VRK2: variants seen among roughly 807,000 people sequenced by gnomAD.
VRK2 encodes the protein VRK serine/threonine kinase 2, also known as serine/threonine-protein kinase VRK2.
In VRK2, 60 loss-of-function variants were observed where a neutral mutation model predicts 57.6. The observed-to-expected ratio is 1.04, with a 90% CI of 0.85 to 1.29. The LOEUF is 1.29. Ranked by LOEUF, VRK2 falls within the 50% of genes most tolerant of loss-of-function variation. VRK2 has a pLI of 0.00. For synonymous variants in VRK2, 231 were observed against 199.2 expected, an observed-to-expected ratio of 1.16 and a Z score of -1.35; for missense variants, 705 against 588.1, an observed-to-expected ratio of 1.20 and a Z score of -2.06.
chr2:58,044,551 A>C (rs918689296), upstream of VRK2, among the ~76,000 whole-genome samples: 4 of 152,198 alleles, frequency 2.6e-5, no homozygotes, highest in Non-Finnish European at 4.4e-5. Flanking sequence ...ACTGTATAAT[A>C]TATTGCTGTA....
upstream of VRK2, among the ~76,000 whole-genome samples, chr2:58,042,601 TATGC>T (rs1674503551): frequency 1.3e-5 from 2 of 152,364 alleles, no homozygotes; most frequent in South Asian, 4.1e-4. Flanking sequence ...CCTTGTAAAG[TATGC>T]TTACTAAATG....
At chr2:58,143,528 C>A (rs1681652877) in intron 11 of VRK2, among the ~76,000 whole-genome samples, 1 of 151,914 alleles carries the variant, frequency 6.6e-6, no homozygotes, top group Non-Finnish European at 1.5e-5. Context: ...AACCATTCAG[C>A]CAACTAAAAG....
At chr2:58,016,356 T>G (rs1673582695) in intron 1 of VRK2, among the ~76,000 whole-genome samples, 1 of 151,272 alleles carries the variant, frequency 6.6e-6, no homozygotes, top group South Asian at 2.1e-4. Context: ...TTTAATTAAT[T>G]ATTTTTTTGA....
At chr2:57,946,050 T>G (rs1002283857) in intron 1 of VRK2, among the ~76,000 whole-genome samples, 6 of 152,134 alleles carry the variant, frequency 3.9e-5, no homozygotes, top group African/African-American at 1.4e-4. Flanking sequence ...GCGAGTATTA[T>G]CTATATATTT....
chr2:58,045,096 A>T (rs139817643), upstream of VRK2, among the ~76,000 whole-genome samples: 10 of 152,366 alleles, frequency 6.6e-5, no homozygotes, highest in East Asian at 1.7e-3. Context: ...GTAAATTGGA[A>T]TAACACTGAA....
chr2:57,992,629 C>T (rs1002937854), intron 1 of VRK2, among the ~76,000 whole-genome samples: 5 of 152,048 alleles, frequency 3.3e-5, no homozygotes, highest in African/African-American at 1.2e-4. Context: ...CTCCGCTTCC[C>T]GGGTTCACGC....
At chr2:57,941,927 G>T (rs1671106967) in intron 1 of VRK2, among the ~76,000 whole-genome samples, 1 of 152,130 alleles carries the variant, frequency 6.6e-6, no homozygotes. Context: ...TCTATTCTGG[G>T]TGCCACAAAC....
At chr2:58,146,803 C>T (rs1235860714) in intron 12 of VRK2, among the ~76,000 whole-genome samples, 1 of 151,988 alleles carries the variant, frequency 6.6e-6, no homozygotes, top group Non-Finnish European at 1.5e-5. Context: ...CCTCAAGTCT[C>T]ACCCTTATAA....
intron 7 of VRK2, among the ~76,000 whole-genome samples, chr2:58,118,921 A>G (rs1676969123): frequency 6.6e-6 from 1 of 152,148 alleles, no homozygotes; most frequent in South Asian, 2.1e-4. Flanking sequence ...TCAGTGGGGT[A>G]GCTTCTGAGC....
At chr2:58,035,105 G>A (rs888451054) in intron 3 of VRK2, among the ~76,000 whole-genome samples, 5 of 151,970 alleles carry the variant, frequency 3.3e-5, no homozygotes, top group African/African-American at 7.2e-5. Flanking sequence ...TGTTTGACAT[G>A]GGTACTCCAT....
chr2:58,022,119 T>C (rs909486755), intron 1 of VRK2, among the ~76,000 whole-genome samples: 5 of 152,180 alleles, frequency 3.3e-5, no homozygotes, highest in Non-Finnish European at 7.3e-5. Flanking sequence ...TATCCTGAGG[T>C]GAGTTTCCTA....
At position 58,082,686 on chromosome 2, in the gene VRK2, A is replaced by G. The variant is rs552796242; in HGVS notation, c.137-1403A>G. On this transcript the variant is annotated intron_variant, in intron 2 of 12. Coordinates refer to ENST00000340157, the MANE Select transcript of VRK2 (RefSeq NM_006296.7). The stretch of plus-strand genomic sequence containing the variant: ...CTCTTCCTGCAGTTTCCTTGGGACT[A>G]TTGCATGGGTAAAAATGAAATAACT... Among the ~76,000 whole-genome samples, 26 of 152,032 alleles carry G rather than the reference A, an allele frequency of 1.7e-4. No homozygotes were observed. In the South Asian group the frequency reaches 5.0e-3, roughly 29 times the overall value.
chr2:58,049,225 G>T (rs1675341600), intron 2 of VRK2, among the ~76,000 whole-genome samples: 1 of 152,096 alleles, frequency 6.6e-6, no homozygotes, highest in African/African-American at 2.4e-5. Context: ...CAGACAAAAT[G>T]CTAACTTTCT....
chr2:57,962,776 C>T (rs967576244), intron 1 of VRK2, among the ~76,000 whole-genome samples: 1 of 152,130 alleles, frequency 6.6e-6, no homozygotes, highest in Non-Finnish European at 1.5e-5. Context: ...AATTCCTAAA[C>T]CTAATTTTTC....
In VRK2 at chr2:58,094,617, A is replaced by G. The variant is rs530356582; in HGVS notation, c.543+4894A>G. ...GTCATCTGCAAACAGGGACAATTTG[A>G]CTTCCTCTTTTCCTAATTGAGTACC... On this transcript the variant is annotated intron_variant, in intron 7 of 12. Coordinates refer to ENST00000340157, the MANE Select transcript of VRK2 (RefSeq NM_006296.7). Among the ~76,000 whole-genome samples, 3 of 152,260 alleles carry G rather than the reference A, an allele frequency of 2.0e-5. No individual in the cohort carries two copies. The East Asian group carries it at 5.8e-4, about 29-fold the overall frequency.
chr2:58,020,152 A>G (rs778470512), intron 1 of VRK2, among the ~76,000 whole-genome samples: 51 of 152,212 alleles, frequency 3.4e-4, no homozygotes, highest in Non-Finnish European at 1.6e-4. Context: ...ATCAAGTACT[A>G]CCTACCCACT....
chr2:58,087,608 G>T (rs569189717), intron 5 of VRK2, among the ~76,000 whole-genome samples: 2 of 152,132 alleles, frequency 1.3e-5, no homozygotes, highest in Non-Finnish European at 2.9e-5. Context: ...GTGCCAAACA[G>T]AACAGAAAAG....
chr2:57,973,403 C>T (rs1213233673), intron 1 of VRK2, among the ~76,000 whole-genome samples: 2 of 151,790 alleles, frequency 1.3e-5, no homozygotes, highest in Non-Finnish European at 2.9e-5. Flanking sequence ...GATTATAATA[C>T]ATAAGTGTAT....
At chr2:58,016,840 T>G (rs1008142936) in intron 1 of VRK2, among the ~76,000 whole-genome samples, 1 of 152,204 alleles carries the variant, frequency 6.6e-6, no homozygotes, top group African/African-American at 2.4e-5. Flanking sequence ...AAAAGACATT[T>G]GCTTTACCTC....
Sources: allele counts gnomAD v4.1 joint callset (sites outside exome capture counted in the v4.1 genomes callset), GRCh38; gene constraint gnomAD v4.1.1; transcripts MANE v1.5; gene names NCBI Gene and HGNC (gene_info 2026-07-23, HGNC 2026-07-21).